Variants in IHO1 observed in about 807,000 individuals in gnomAD.
IHO1 encodes the protein interactor of HORMAD1 protein 1.
In IHO1, 13 loss-of-function variants were observed where a neutral mutation model predicts 31.0. The observed-to-expected ratio is 0.42, with a 90% CI of 0.27 to 0.67. The LOEUF (loss-of-function observed/expected upper bound fraction) is 0.67, where lower values mean the gene tolerates loss of function less well. Among genes scored for constraint, IHO1 ranks in the 30% least tolerant of loss-of-function variants. IHO1 has a pLI of 0.24. For missense variants in IHO1, 599 were observed against 687.5 expected (o/e 0.87, Z 1.44); for synonymous variants, 221 against 248.4 (o/e 0.89, Z 1.04).
chr3:49,207,776 T>TC (rs1335150823), intron 1 of IHO1, among the ~76,000 whole-genome samples: 1 of 146,440 alleles, frequency 6.8e-6, no homozygotes, highest in Non-Finnish European at 1.5e-5. Context: ...ATATAATATT[T>TC]CTTTTTTTTT....
At chr3:49,199,148 T>A (rs1440909032), upstream of IHO1, 1 of 152,614 alleles carries the variant, frequency 6.6e-6, no homozygotes, top group Admixed American at 6.5e-5. Context: ...GGGTGGCCAT[T>A]CCGGCGTGAG....
chr3:49,206,470 T>G (rs2046139313), intron 1 of IHO1, among the ~76,000 whole-genome samples: 1 of 151,970 alleles, frequency 6.6e-6, no homozygotes, highest in African/African-American at 2.4e-5. Context: ...CCTCAAGTGA[T>G]CCACCCACCT....
chr3:49,227,536 C>G, intron 2 of IHO1, among the ~76,000 whole-genome samples: 1 of 152,162 alleles, frequency 6.6e-6, no homozygotes, highest in East Asian at 1.9e-4. Context: ...TGAGGAAGAT[C>G]AGATTTAGTG....
chr3:49,236,665 C>G lies in IHO1; in HGVS notation c.174C>G (p.Pro58=). 1 of 1,614,106 alleles carries G rather than the reference C, an allele frequency of 6.2e-7. No individual in the cohort carries two copies. Among genetic ancestry groups the G allele is most frequent in the Non-Finnish European group, 8.5e-7 (1 of 1,179,988 alleles). The change falls in exon 3 of 8, where the codon CCC becomes CCG. Residue 58 remains proline, a synonymous_variant. Coordinates refer to ENST00000452691, the MANE Select transcript of IHO1 (RefSeq NM_001135197.2). ...CPENSETLSA[P]LDFGAHLRHS... Reference sequence around the variant, plus strand: ...AAAATTCAGAAACCCTATCAGCACCCTTGGACTTTGGTGCCCACTTGAGAC... The same window carrying G: ...AAAATTCAGAAACCCTATCAGCACCGTTGGACTTTGGTGCCCACTTGAGAC...
At chr3:49,222,794 G>A (rs1199458250) in intron 2 of IHO1, among the ~76,000 whole-genome samples, 3 of 152,116 alleles carry the variant, frequency 2.0e-5, no homozygotes, top group Admixed American at 6.6e-5. Context: ...AGTTTATTGA[G>A]GCTGGTCTGG....
chr3:49,193,154 T>C, the IHO1 span, among the ~76,000 whole-genome samples: 1 of 151,466 alleles, frequency 6.6e-6, no homozygotes, highest in Non-Finnish European at 1.5e-5. Flanking sequence ...GCAGAATGTT[T>C]GAGCTCAGGA....
intron 6 of IHO1, among the ~76,000 whole-genome samples, chr3:49,246,537 A>G (rs1481957229): frequency 6.6e-6 from 1 of 151,996 alleles, no homozygotes; most frequent in Non-Finnish European, 1.5e-5. Context: ...AATCCCAGCT[A>G]CTTGGGAGGC....
At chr3:49,229,913 T>G (rs1372838788) in intron 2 of IHO1, among the ~76,000 whole-genome samples, 2 of 152,152 alleles carry the variant, frequency 1.3e-5, no homozygotes, top group African/African-American at 4.8e-5. Context: ...CTGAGCAGTT[T>G]TACAGCCCTC....
rs191596312 is a variant in IHO1 at position 49,236,263 on chromosome 3, G to C, written c.57-285G>C. On this transcript the variant is annotated intron_variant, in intron 2 of 7. Coordinates refer to ENST00000452691, the MANE Select transcript of IHO1 (RefSeq NM_001135197.2). ...TTTAATCTCTACAATTTTATGAACTGTAATTTCCAATATGGTGTTGTAGCC... is the reference window on the plus strand; with the variant it reads ...TTTAATCTCTACAATTTTATGAACTCTAATTTCCAATATGGTGTTGTAGCC... Among the ~76,000 whole-genome samples the C allele has an allele frequency of 1.8e-3, 269 of 152,292 alleles. 2 individuals are homozygous for C. Among genetic ancestry groups the C allele is most frequent in the Non-Finnish European group, 3.4e-4 (23 of 68,010 alleles).
chr3:49,241,478 A>G, intron 4 of IHO1, 89 bp downstream of exon 4: 1 of 1,264,142 alleles, frequency 7.9e-7, no homozygotes, highest in Non-Finnish European at 1.1e-6. Flanking sequence ...ATTCAATTTT[A>G]GCATAATAGC....
chr3:49,221,592 C>A (rs142345086), intron 2 of IHO1, among the ~76,000 whole-genome samples: 1 of 152,122 alleles, frequency 6.6e-6, no homozygotes, highest in Non-Finnish European at 1.5e-5. Context: ...TGGTTAGGGG[C>A]GAAGAAGGGG....
intron 2 of IHO1, among the ~76,000 whole-genome samples, chr3:49,213,535 C>A (rs2046248565): frequency 6.6e-6 from 1 of 152,252 alleles, no homozygotes; most frequent in East Asian, 1.9e-4. Flanking sequence ...CACCATGTGC[C>A]CACACTCCTC....
At chr3:49,231,103 T>G (rs1000871693) in intron 2 of IHO1, among the ~76,000 whole-genome samples, 2 of 152,248 alleles carry the variant, frequency 1.3e-5, no homozygotes, top group African/African-American at 4.8e-5. Flanking sequence ...TTCCAAATAC[T>G]AATTCACAGA....
chr3:49,203,936 T>C (rs925495030), intron 1 of IHO1, among the ~76,000 whole-genome samples: 3 of 152,312 alleles, frequency 2.0e-5, no homozygotes, highest in African/African-American at 7.2e-5. Context: ...GGGGAAGTTA[T>C]GAGGATCTTG....
intron 2 of IHO1, among the ~76,000 whole-genome samples, chr3:49,224,412 G>A (rs1174431344): frequency 6.6e-6 from 1 of 152,210 alleles, no homozygotes; most frequent in African/African-American, 2.4e-5. Flanking sequence ...TGCACTGTGT[G>A]CAATAACTCC....
intron 6 of IHO1, among the ~76,000 whole-genome samples, chr3:49,254,962 C>G (rs1477197763): frequency 6.6e-6 from 1 of 151,808 alleles, no homozygotes; most frequent in Non-Finnish European, 1.5e-5. Context: ...TACTTAGGAG[C>G]TGAGGCAGGA....
chr3:49,202,981 G>T (rs1204587461), intron 1 of IHO1, among the ~76,000 whole-genome samples: 2 of 150,522 alleles, frequency 1.3e-5, no homozygotes, highest in African/African-American at 2.4e-5. Context: ...TCCTGCCTCA[G>T]CCTCCCGAGT....
At chr3:49,201,656 C>T (rs969726826) in intron 1 of IHO1, among the ~76,000 whole-genome samples, 4 of 151,988 alleles carry the variant, frequency 2.6e-5, no homozygotes, top group Admixed American at 2.0e-4. Flanking sequence ...TGGCTCACGC[C>T]TGTAAATCAC....
chr3:49,200,495 G>GAAAGAAAGAAAGAAAGAAAGAAAGAA (rs2046049954), intron 1 of IHO1: 2 of 710,580 alleles, frequency 2.8e-6, no homozygotes, highest in African/African-American at 4.1e-5. Context: ...AAGAAAGAAA[G>GAAAGAAAGAAAGAAAGAAAGAAAGAA]AAAGAAAGAA....
Sources: gnomAD v4.1 joint callset for allele counts (sites outside exome capture counted in the v4.1 genomes callset) on GRCh38, gnomAD v4.1.1 for gene constraint, MANE v1.5 for transcripts, NCBI Gene and HGNC (gene_info 2026-07-23, HGNC 2026-07-21) for gene names.